RSPH14: variants seen among roughly 807,000 people sequenced by gnomAD.
RSPH14 encodes rhabdoid tumor deletion region gene 1.
RSPH14 carries 20 observed loss-of-function variants against 26.7 expected under a neutral mutation model. The ratio of observed to expected loss-of-function variants is 0.75; its 90% CI spans 0.53 to 1.09. The LOEUF (loss-of-function observed/expected upper bound fraction) is 1.09, where lower values mean the gene tolerates loss of function less well. Among genes scored for constraint, RSPH14 ranks in the 50% least tolerant of loss-of-function variants. The pLI is 0.00. For missense variants in RSPH14, 449 were observed against 457.2 expected (o/e 0.98, Z 0.16); for synonymous variants, 177 against 189.3 (o/e 0.93, Z 0.53).
the RSPH14 span, chr22:23,152,418 C>T: frequency 1.0e-5 from 16 of 1,607,734 alleles, no homozygotes; most frequent in Non-Finnish European, 1.4e-5. Flanking sequence ...TGAAGACACC[C>T]TGGAAGGCAT....
intron 4 of RSPH14, among the ~76,000 whole-genome samples, chr22:23,073,764 A>G (rs1353015028): frequency 6.6e-6 from 1 of 152,190 alleles, no homozygotes; most frequent in Non-Finnish European, 1.5e-5. Context: ...GCTAACATTT[A>G]CCAGCGCCTG....
At chr22:23,104,104 CT>C (rs1415580451) in intron 4 of RSPH14, among the ~76,000 whole-genome samples, 1 of 148,914 alleles carries the variant, frequency 6.7e-6, no homozygotes, top group African/African-American at 2.5e-5. Flanking sequence ...CCAGTCAAGG[CT>C]GTGGGGGAGC....
At chr22:23,082,438 G>A (rs1016425987) in intron 4 of RSPH14, among the ~76,000 whole-genome samples, 3 of 149,844 alleles carry the variant, frequency 2.0e-5, no homozygotes, top group African/African-American at 7.4e-5. Flanking sequence ...TGGCCAGGCT[G>A]GTCTTGAACT....
the RSPH14 span, among the ~76,000 whole-genome samples, chr22:23,168,321 C>G: frequency 6.6e-6 from 1 of 152,078 alleles, no homozygotes; most frequent in African/African-American, 2.4e-5. Flanking sequence ...CAAGGAATCC[C>G]AGGCTTGGAG....
chr22:23,141,551 T>A (rs982880352), intron 1 of RSPH14, among the ~76,000 whole-genome samples: 3 of 152,148 alleles, frequency 2.0e-5, no homozygotes, highest in Non-Finnish European at 2.9e-5. Flanking sequence ...TATTAACGAA[T>A]ACACGTAAGC....
At chr22:23,095,573 C>G (rs1314101762) in intron 4 of RSPH14, 2 of 1,100,456 alleles carry the variant, frequency 1.8e-6, no homozygotes, top group Non-Finnish European at 2.6e-6. Context: ...CCTCACCCCC[C>G]TGCTGGCACT....
At chr22:23,162,374 C>G in the RSPH14 span, 1 of 338,714 alleles carries the variant, frequency 3.0e-6, no homozygotes, top group Non-Finnish European at 5.9e-6. Flanking sequence ...GGGTAACTCA[C>G]TCTGCAGCCC....
intron 4 of RSPH14, among the ~76,000 whole-genome samples, chr22:23,121,614 C>T (rs1313879421): frequency 6.6e-6 from 1 of 152,174 alleles, no homozygotes; most frequent in African/African-American, 2.4e-5. Context: ...ATTGTCACTG[C>T]AGTCATTGGT....
the RSPH14 span, among the ~76,000 whole-genome samples, chr22:23,178,123 G>A: frequency 6.6e-6 from 1 of 152,032 alleles, no homozygotes; most frequent in Non-Finnish European, 1.5e-5. Flanking sequence ...TTTTAAAGAA[G>A]AGGCCATTGA....
At chr22:23,166,935 A>G in the RSPH14 span, among the ~76,000 whole-genome samples, 1 of 152,122 alleles carries the variant, frequency 6.6e-6, no homozygotes, top group Non-Finnish European at 1.5e-5. Flanking sequence ...TCTTTGTGCC[A>G]GCCCCGTATG....
At chr22:23,129,956 G>A (rs1569192098) in intron 4 of RSPH14, among the ~76,000 whole-genome samples, 2 of 147,454 alleles carry the variant, frequency 1.4e-5, no homozygotes, top group Non-Finnish European at 3.0e-5. Context: ...GAAGGAGAAA[G>A]AAAGAGAGAG....
intron 4 of RSPH14, among the ~76,000 whole-genome samples, chr22:23,117,421 G>A (rs2069878659): frequency 1.3e-5 from 2 of 152,356 alleles, no homozygotes; most frequent in African/African-American, 4.8e-5. Context: ...CAGCAAAGAA[G>A]TGTTGCTGGC....
At chr22:23,144,777 G>T (rs535039337), upstream of RSPH14, among the ~76,000 whole-genome samples, 12 of 152,196 alleles carry the variant, frequency 7.9e-5, 1 homozygote, top group Admixed American at 5.9e-4. Context: ...GTGTACCAAG[G>T]CTTCCATATT....
intron 4 of RSPH14, among the ~76,000 whole-genome samples, chr22:23,130,069 A>T (rs1168902733): frequency 3.1e-5 from 1 of 31,786 alleles, no homozygotes; most frequent in African/African-American, 1.8e-4. Flanking sequence ...AAAAGAAAGA[A>T]AGAAAGAAAG....
At chr22:23,081,049 C>T (rs2068663206) in intron 4 of RSPH14, among the ~76,000 whole-genome samples, 1 of 152,192 alleles carries the variant, frequency 6.6e-6, no homozygotes, top group African/African-American at 2.4e-5. Context: ...GCCTGGAATA[C>T]TGTGTAAACT....
chr22:23,096,225 G>A (rs369848697), intron 4 of RSPH14: 10 of 1,613,850 alleles, frequency 6.2e-6, no homozygotes, highest in South Asian at 2.2e-5. Flanking sequence ...GACATCCTGC[G>A]CTCCCGGGAC....
At chr22:23,154,707 G>A in the RSPH14 span, among the ~76,000 whole-genome samples, 8 of 152,130 alleles carry the variant, frequency 5.3e-5, no homozygotes, top group East Asian at 1.9e-4. Context: ...GCCTCCCTAC[G>A]GGCTCATCTC....
At chr22:23,152,093 A>T in the RSPH14 span, among the ~76,000 whole-genome samples, 1 of 152,234 alleles carries the variant, frequency 6.6e-6, no homozygotes, top group African/African-American at 2.4e-5. Context: ...CCCTCAGCAC[A>T]GCTCCCGGAC....
At chr22:23,163,606 G>GCCGCCCCC in the RSPH14 span, 1 of 125,234 alleles carries the variant, frequency 8.0e-6, no homozygotes, top group African/African-American at 2.7e-5. Flanking sequence ...CAAGGTGAAA[G>GCCGCCCCC]CCCCCCCCCC....
Sources: gnomAD v4.1 joint callset for allele counts (sites outside exome capture counted in the v4.1 genomes callset) on GRCh38, gnomAD v4.1.1 for gene constraint, MANE v1.5 for transcripts, NCBI Gene and HGNC (gene_info 2026-07-23, HGNC 2026-07-21) for gene names.